Variants in IRF3 observed in about 807,000 individuals in gnomAD.
IRF3 encodes the protein interferon regulatory factor 3.
In IRF3, 29 loss-of-function variants were observed where a neutral mutation model predicts 43.2. That is an observed-to-expected ratio of 0.67 (90% CI 0.50 to 0.91). The LOEUF (loss-of-function observed/expected upper bound fraction) is 0.91, where lower values mean the gene tolerates loss of function less well. IRF3 is among the 40% of genes least tolerant of loss of function. The probability of loss-of-function intolerance (pLI) is 0.00; values close to 1 mark genes in which losing one functional copy is unlikely to be tolerated. For synonymous variants in IRF3, 228 were observed against 233.9 expected, an observed-to-expected ratio of 0.97 and a Z score of 0.23; for missense variants, 505 against 559.1, an observed-to-expected ratio of 0.90 and a Z score of 0.98.
chr19:49,659,591 A>G lies in IRF3; in HGVS notation c.*57T>C. 6.4e-7 allele frequency: 1 copy of G among 1,563,172 alleles called. No individual in the cohort carries two copies. Among genetic ancestry groups the G allele is most frequent in the Non-Finnish European group, 8.7e-7 (1 of 1,153,658 alleles). On this transcript the variant is annotated 3_prime_UTR_variant, in exon 8 of 8. Coordinates refer to ENST00000377139, the MANE Select transcript of IRF3 (RefSeq NM_001571.6). Reference sequence around the variant, plus strand: ...AAGTGATCATAGCAGGAACCAGTTTATTGGTTGAGGTGGTGGGGAACAGGG... The same window carrying G: ...AAGTGATCATAGCAGGAACCAGTTTGTTGGTTGAGGTGGTGGGGAACAGGG...
At chr19:49,665,606 G>A (rs1197584796) in intron 1 of IRF3, 25 bp downstream of exon 1, 3 of 572,430 alleles carry the variant, frequency 5.2e-6, no homozygotes, top group Admixed American at 6.2e-5. Context: ...CGCCACCAAC[G>A]CTCTCCCGGG....
Position 49,659,984 on chromosome 19 carries a change from TACACACACACACAC to T in IRF3, c.1099-165_1099-152del, listed in dbSNP as rs5828408. On this transcript the variant is annotated intron_variant, in intron 7 of 7. Coordinates refer to ENST00000377139, the MANE Select transcript of IRF3 (RefSeq NM_001571.6). ...CTAGGGCTGCTGGGAGTTGTAGTTT[TACACACACACACAC>T]ACACACACACACACACACACACACA... The T allele has an allele frequency of 5.1e-3, 1,648 of 323,888 alleles. 15 individuals carry two copies. Among genetic ancestry groups the T allele is most frequent in the South Asian group, 5.0e-3 (127 of 25,602 alleles). The allele number at this position is 323,888 out of a possible 1,614,324, so 20.1% of individuals were successfully genotyped here. A position where few individuals can be genotyped will look rare whatever the true frequency, so the allele number is the denominator to read the frequency against.
chr19:49,664,893 C>T, intron 1 of IRF3, 47 bp from the exon 2 acceptor site: 1 of 1,563,066 alleles, frequency 6.4e-7, no homozygotes. Context: ...TCCCCCGGAC[C>T]CACCTGGCCT....
intron 2 of IRF3, chr19:49,664,446 C>T (rs763860251): frequency 1.1e-5 from 16 of 1,511,312 alleles, no homozygotes; most frequent in African/African-American, 1.4e-5. Context: ...TACTAACCGG[C>T]TTTCCCGGTT....
chr19:49,664,429 C>T, intron 2 of IRF3: 2 of 1,487,972 alleles, frequency 1.3e-6, no homozygotes, highest in South Asian at 1.2e-5. Context: ...GATGCATTTC[C>T]TTTGCGTACT....
In IRF3 at chr19:49,663,476, C is replaced by T. The variant is rs2081447811; in HGVS notation, c.204G>A (p.Arg68=). ...TCCAGGTTGGCAGGTCTGGCTTATC[C>T]CTCCCGGGAACATATGCACCAGTGG... The part of the protein sequence containing the change: ...AEATGAYVPG[R]DKPDLPTWKR... The change falls in exon 3 of 8, where the codon AGG becomes AGA. Residue 68 remains arginine (R), a synonymous_variant. Transcript: ENST00000377139. 6.2e-7 allele frequency: 1 copy of T among 1,614,056 alleles called. No homozygotes were observed. The highest frequency in any genetic ancestry group is 8.5e-7 in the Non-Finnish European group (1 of 1,180,054).
In IRF3 at chr19:49,663,190, G is replaced by A; in HGVS notation, c.406C>T (p.Gln136Ter). ...TNGGGSTSDT[Q>*]EDILDELLGN... ...ATGAAAGTTGGGCACATTCTCACCT[G>A]GGTATCAGAAGTACTGCCTCCACCA... The change falls in exon 4 of 8, where the codon CAG (glutamine) becomes TAG (stop). Residue 136 changes from glutamine to a stop codon, truncating the protein, a stop_gained and splice_region_variant. Coordinates refer to ENST00000377139, the MANE Select transcript of IRF3 (RefSeq NM_001571.6). LOFTEE classifies it high-confidence loss of function. The A allele has an allele frequency of 6.2e-7, 1 of 1,613,468 alleles. No homozygotes were observed. Among genetic ancestry groups the A allele is most frequent in the Non-Finnish European group, 8.5e-7 (1 of 1,179,406 alleles).
At chr19:49,660,645 C>A in intron 7 of IRF3, 68 bp downstream of exon 7, 1 of 1,440,512 alleles carries the variant, frequency 6.9e-7, no homozygotes, top group Non-Finnish European at 9.2e-7. Context: ...AGTTGGAGTT[C>A]CTGGGAGCAA....
In IRF3 at chr19:49,659,610, AACAGGGGGGTTGGAGGC is replaced by A. The variant is rs2081187211; in HGVS notation, c.*21_*37del. 6.3e-7 allele frequency: 1 copy of A among 1,585,810 alleles called. No individual in the cohort carries two copies. Among genetic ancestry groups the A allele is most frequent in the Non-Finnish European group, 8.6e-7 (1 of 1,166,104 alleles). ...CAGTTTATTGGTTGAGGTGGTGGGG[AACAGGGGGGTTGGAGGC>A]ACACCATGAGGAGCGAGGGCTCAGC... On this transcript the variant is annotated 3_prime_UTR_variant, in exon 8 of 8. Coordinates refer to ENST00000377139, the MANE Select transcript of IRF3 (RefSeq NM_001571.6).
chr19:49,664,873 G>T, intron 1 of IRF3, 27 bp from the exon 2 acceptor site: 8 of 1,591,524 alleles, frequency 5.0e-6, no homozygotes, highest in Non-Finnish European at 6.8e-6. Flanking sequence ...TTTCCTGGGC[G>T]CGACCGGCCT....
chr19:49,665,666 A>AC lies in IRF3; in HGVS notation c.-45dup, dbSNP rs879559010. ...AGGTCGGGGCGTGCGGGCAGCTGGA[A>AC]CCCACCCCTGTCTTGGAGCTCCGGG... On this transcript the variant is annotated 5_prime_UTR_variant, in exon 1 of 8. Coordinates refer to ENST00000377139, the MANE Select transcript of IRF3 (RefSeq NM_001571.6). 2.6e-4 allele frequency: 261 copies of AC among 988,228 alleles called. No individual in the cohort carries two copies. The highest frequency in any genetic ancestry group is 7.0e-4 in the East Asian group (28 of 40,126). The allele number at this position is 988,228 out of a possible 1,614,324, so 61.2% of individuals were successfully genotyped here. A position where few individuals can be genotyped will look rare whatever the true frequency, so the allele number is the denominator to read the frequency against.
Position 49,664,783 on chromosome 19 carries a change from C to T in IRF3, c.56G>A (p.Gly19Glu), listed in dbSNP as rs2081579389. ...LPWLVSQLDL[G>E]QLEGVAWVNK... ...CACCCAGGCCACGCCCTCCAGTTGC[C>T]CCAGGTCCAGCTGCGACACCAGCCA... The change falls in exon 2 of 8, where the codon GGG (glycine) becomes GAG (glutamate). Residue 19 changes from glycine (G) to glutamate (E), a missense_variant. Gly to Glu is a moderately conservative substitution (Grantham distance 98). Transcript: ENST00000377139. The T allele has an allele frequency of 6.2e-7, 1 of 1,613,992 alleles. No homozygotes were observed. The highest frequency in any genetic ancestry group is 8.5e-7 in the Non-Finnish European group (1 of 1,179,980).
At chr19:49,660,093 A>AACACACAC (rs140415851) in intron 7 of IRF3, among the ~76,000 whole-genome samples, 1 of 130,592 alleles carries the variant, frequency 7.7e-6, no homozygotes, top group East Asian at 2.1e-4. Context: ...CACACACACA[A>AACACACAC]ACACACACAC....
rs548257077 is a variant in IRF3 at position 49,665,439 on chromosome 19, TTTTCCTC to T, written c.-9+185_-9+191del. 4.6e-4 allele frequency: 90 copies of T among 196,176 alleles called. 1 individual carries two copies. The East Asian group carries it at 6.4e-3, about 14-fold the overall frequency. 12.2% of individuals were successfully genotyped at this position (196,176 alleles called of 1,614,324 possible). ...ACCCCCTCAGTGTAGACGCCTCCTCTTTTCCTCTTTCCTCCCTACTTTTTCTAGTTTT... is the reference window on the plus strand; with the variant it reads ...ACCCCCTCAGTGTAGACGCCTCCTCTTTTCCTCCCTACTTTTTCTAGTTTT... On this transcript the variant is annotated intron_variant, in intron 1 of 7. Coordinates refer to ENST00000377139, the MANE Select transcript of IRF3 (RefSeq NM_001571.6).
rs1273313940 is a variant in IRF3, at chr19:49,660,761, C to T, written c.1050G>A (p.Glu350=). ...TCCACGGCTGGTCCTGGGGCCATGA[C>T]TCCCCCACACAGAACCAGAGGGCAT... ...PRYALWFCVG[E]SWPQDQPWTK... The change falls in exon 7 of 8, where the codon GAG becomes GAA. Residue 350 remains glutamate, a synonymous_variant. Coordinates refer to ENST00000377139, the MANE Select transcript of IRF3 (RefSeq NM_001571.6). The T allele has an allele frequency of 1.2e-6, 2 of 1,610,992 alleles. No homozygotes were observed. The highest frequency in any genetic ancestry group is 1.7e-6 in the Non-Finnish European group (2 of 1,178,860).
chr19:49,665,629 A>T lies in IRF3; in HGVS notation c.-9+2T>A. The T allele has an allele frequency of 1.5e-6, 1 of 665,766 alleles. No individual in the cohort carries two copies. The highest frequency in any genetic ancestry group is 2.5e-6 in the Non-Finnish European group (1 of 402,900). The allele number at this position is 665,766 out of a possible 1,614,324, so 41.2% of individuals were successfully genotyped here. On this transcript the variant is annotated splice_donor_variant, in intron 1 of 7. Transcript: ENST00000377139. LOFTEE classifies it low-confidence loss of function (5UTR_SPLICE). ...ACGCTCTCCCGGGCTCTTCCGCGTT[A>T]CCTACGATGGAAGGTCGGGGCGTGC...
Position 49,661,997 on chromosome 19 carries a change from G to C in IRF3, c.933C>G (p.Val311=), listed in dbSNP as rs1245859759. The change falls in exon 6 of 8, where the codon GTC becomes GTG. Residue 311 remains valine (V), a synonymous_variant. Transcript: ENST00000377139. ...PNSGHGPDGE[V]PKDKEGGVFD... The stretch of plus-strand genomic sequence containing the variant: ...ACACGCCTCCTTCCTTGTCCTTGGG[G>C]ACCTCGCCATCAGGCCCATGCCCGC... 2 of 1,613,968 alleles carry C rather than the reference G, an allele frequency of 1.2e-6. No homozygotes were observed. The highest frequency in any genetic ancestry group is 1.7e-5 in the Admixed American group (1 of 60,018).
At chr19:49,660,592 G>T in intron 7 of IRF3, 121 bp downstream of exon 7, 1 of 1,022,356 alleles carries the variant, frequency 9.8e-7, no homozygotes, top group Non-Finnish European at 1.4e-6. Context: ...ACTGGTTATT[G>T]CAGAGATCTT....
chr19:49,660,028 C>CACACACACACACACACACACA (rs1555753000), intron 7 of IRF3, among the ~76,000 whole-genome samples, 195 bp from the exon 8 acceptor site: 1,123 of 109,812 alleles, frequency 0.01, 47 homozygotes, highest in Middle Eastern at 0.017. Flanking sequence ...CACACACACA[C>CACACACACACACACACACACA]CCCCTGCTGT....
Sources: allele counts gnomAD v4.1 joint callset (sites outside exome capture counted in the v4.1 genomes callset), GRCh38; gene constraint gnomAD v4.1.1; transcripts MANE v1.5; gene names NCBI Gene and HGNC (gene_info 2026-07-23, HGNC 2026-07-21).